DAB1: variants seen among roughly 807,000 people sequenced by gnomAD.
DAB1 encodes the protein disabled homolog 1.
Under a neutral mutation model 64.6 loss-of-function variants are expected in DAB1, and 15 were observed. That is an observed-to-expected ratio of 0.23 (90% confidence interval 0.16 to 0.36). The LOEUF (loss-of-function observed/expected upper bound fraction) is 0.36, where lower values mean the gene tolerates loss of function less well. Among genes scored for constraint, DAB1 ranks in the 10% least tolerant of loss-of-function variants. The pLI is 1.00. For missense variants in DAB1, 596 were observed against 706.7 expected, an observed-to-expected ratio of 0.84 and a Z score of 1.78; for synonymous variants, 235 against 251.9, an observed-to-expected ratio of 0.93 and a Z score of 0.64.
At chr1:57,209,618 A>G (rs1462464292) in intron 2 of DAB1, among the ~76,000 whole-genome samples, 2 of 152,316 alleles carry the variant, frequency 1.3e-5, no homozygotes, top group African/African-American at 4.8e-5. Context: ...CACTGAGTTG[A>G]ACAGATCTGA....
intron 5 of DAB1, among the ~76,000 whole-genome samples, chr1:58,109,759 T>G (rs1258465019): frequency 6.6e-6 from 1 of 151,370 alleles, no homozygotes; most frequent in Non-Finnish European, 1.5e-5. Context: ...AAAGGGGGTA[T>G]AGTAAACAAA....
chr1:57,143,362 T>C (rs1181697938), intron 3 of DAB1, among the ~76,000 whole-genome samples: 1 of 152,204 alleles, frequency 6.6e-6, no homozygotes, highest in East Asian at 1.9e-4. Context: ...AACTCTTGTC[T>C]ATTAATCACT....
chr1:57,944,271 C>T (rs1185537088), intron 5 of DAB1, among the ~76,000 whole-genome samples: 2 of 152,094 alleles, frequency 1.3e-5, no homozygotes, highest in African/African-American at 4.8e-5. Flanking sequence ...GCTGGAATCA[C>T]CTGTTCCACC....
At chr1:57,350,105 G>A (rs1239539468) in intron 1 of DAB1, among the ~76,000 whole-genome samples, 1 of 152,188 alleles carries the variant, frequency 6.6e-6, no homozygotes, top group Non-Finnish European at 1.5e-5. Context: ...CTGAAAAGTT[G>A]CTCTGATCAA....
intron 7 of DAB1, 22 bp downstream of exon 7, chr1:57,071,001 C>T (rs1651404867): frequency 6.2e-7 from 1 of 1,604,580 alleles, no homozygotes; most frequent in Middle Eastern, 1.7e-4. Flanking sequence ...AATCTAAAAC[C>T]CCGACTAGTT....
chr1:58,034,783 G>A (rs139261994), intron 5 of DAB1, among the ~76,000 whole-genome samples: 27 of 152,090 alleles, frequency 1.8e-4, no homozygotes, highest in African/African-American at 6.3e-4. Flanking sequence ...AAGTCAATTT[G>A]GTTTTGCAGC....
At chr1:57,589,915 A>G (rs1205872421) in intron 7 of DAB1, among the ~76,000 whole-genome samples, 1 of 152,238 alleles carries the variant, frequency 6.6e-6, no homozygotes, top group Non-Finnish European at 1.5e-5. Flanking sequence ...TAAGCAGTAT[A>G]GGAGATAAAT....
intron 1 of DAB1, among the ~76,000 whole-genome samples, chr1:57,413,099 GA>G: frequency 6.6e-6 from 1 of 152,212 alleles, no homozygotes; most frequent in Non-Finnish European, 1.5e-5. Flanking sequence ...TCTAAAAATG[GA>G]ACAATGAAGC....
chr1:58,492,622 A>G (rs1645717939), intron 3 of DAB1, among the ~76,000 whole-genome samples: 1 of 152,254 alleles, frequency 6.6e-6, no homozygotes, highest in Non-Finnish European at 1.5e-5. Context: ...CTACCATCAG[A>G]GAATACTATA....
intron 4 of DAB1, among the ~76,000 whole-genome samples, chr1:57,099,664 C>T (rs957399736): frequency 3.3e-5 from 5 of 152,160 alleles, no homozygotes; most frequent in Admixed American, 1.3e-4. Context: ...AATATAAACC[C>T]TGATGCAAGA....
At chr1:57,954,384 A>G (rs1645342648) in intron 5 of DAB1, among the ~76,000 whole-genome samples, 1 of 152,152 alleles carries the variant, frequency 6.6e-6, no homozygotes, top group Non-Finnish European at 1.5e-5. Context: ...TCACTCAGGA[A>G]TTTTTAAAAT....
chr1:57,022,570 A>C (rs925823445), intron 11 of DAB1, among the ~76,000 whole-genome samples: 7 of 152,238 alleles, frequency 4.6e-5, no homozygotes, highest in African/African-American at 1.7e-4. Flanking sequence ...CAGGGTATGC[A>C]TTTTTAATTT....
At chr1:57,401,408 A>G (rs1683231963) in intron 1 of DAB1, among the ~76,000 whole-genome samples, 2 of 152,240 alleles carry the variant, frequency 1.3e-5, no homozygotes, top group Admixed American at 1.3e-4. Flanking sequence ...ATATGAAAAG[A>G]TACCTGCCCT....
intron 2 of DAB1, among the ~76,000 whole-genome samples, chr1:57,237,422 T>G (rs1218942937): frequency 1.3e-5 from 2 of 152,232 alleles, no homozygotes; most frequent in Non-Finnish European, 2.9e-5. Context: ...CCTTTATCAT[T>G]CATCCAAAAG....
intron 4 of DAB1, among the ~76,000 whole-genome samples, chr1:58,329,133 A>G (rs141077740): frequency 6.6e-6 from 1 of 152,362 alleles, no homozygotes; most frequent in African/African-American, 2.4e-5. Context: ...TACAAAAGTA[A>G]TAGAGGATAA....
chr1:57,878,106 A>G (rs1400561550), intron 1 of DAB1, among the ~76,000 whole-genome samples: 4 of 152,158 alleles, frequency 2.6e-5, no homozygotes, highest in Admixed American at 2.6e-4. Flanking sequence ...CTTTATGTCC[A>G]TATGTCAATA....
intron 10 of DAB1, among the ~76,000 whole-genome samples, chr1:57,024,762 T>A (rs1456147270): frequency 1.3e-5 from 2 of 152,222 alleles, no homozygotes; most frequent in African/African-American, 4.8e-5. Context: ...TTAGAAGATC[T>A]CTTCAACCCT....
intron 4 of DAB1, among the ~76,000 whole-genome samples, chr1:58,303,471 T>C (rs537843571): frequency 7.9e-5 from 12 of 152,202 alleles, no homozygotes; most frequent in South Asian, 4.2e-4. Flanking sequence ...CCAGGACTTA[T>C]CCTAAAGAAA....
chr1:57,452,740 A>T (rs1469412424), intron 7 of DAB1, among the ~76,000 whole-genome samples: 1 of 152,056 alleles, frequency 6.6e-6, no homozygotes, highest in Admixed American at 6.6e-5. Context: ...GAAAAATTTA[A>T]AGGATATTAC....
Sources: allele counts gnomAD v4.1 joint callset (sites outside exome capture counted in the v4.1 genomes callset), GRCh38; gene constraint gnomAD v4.1.1; transcripts MANE v1.5; gene names NCBI Gene and HGNC (gene_info 2026-07-23, HGNC 2026-07-21).